LIPC: variants seen among roughly 807,000 people sequenced by gnomAD.
The protein encoded by LIPC is lipase C, hepatic type.
In LIPC, 44 loss-of-function variants were observed where a neutral mutation model predicts 50.7. The observed-to-expected ratio is 0.87, with a 90% CI of 0.68 to 1.11. The LOEUF (loss-of-function observed/expected upper bound fraction) is 1.11. LIPC is among the 50% of genes most tolerant of loss of function. The pLI is 0.00. For synonymous variants in LIPC, 271 were observed against 256.4 expected, an observed-to-expected ratio of 1.06 and a Z score of -0.54; for missense variants, 697 against 648.2, an observed-to-expected ratio of 1.08 and a Z score of -0.82.
At chr15:58,487,444 T>A (rs1156263843) in intron 1 of LIPC, among the ~76,000 whole-genome samples, 1 of 152,224 alleles carries the variant, frequency 6.6e-6, no homozygotes, top group Non-Finnish European at 1.5e-5. Flanking sequence ...CTGCTTTTCT[T>A]TGGCATTTAA....
chr15:58,489,077 A>G (rs1384517343), intron 1 of LIPC, among the ~76,000 whole-genome samples: 1 of 152,052 alleles, frequency 6.6e-6, no homozygotes, highest in African/African-American at 2.4e-5. Context: ...CTACTTCACA[A>G]CAATACTGAG....
intron 1 of LIPC, among the ~76,000 whole-genome samples, chr15:58,460,778 C>A (rs1303447132): frequency 6.6e-6 from 1 of 152,200 alleles, no homozygotes; most frequent in South Asian, 2.1e-4. Context: ...TGTTAGAGAA[C>A]AGCCAGCGAG....
At chr15:58,472,290 A>AG (rs1300448674) in intron 1 of LIPC, among the ~76,000 whole-genome samples, 3 of 147,532 alleles carry the variant, frequency 2.0e-5, no homozygotes, top group South Asian at 2.2e-4. Context: ...AAAAAAAAAA[A>AG]AAAGAAATCT....
chr15:58,535,792 T>G (rs1165504638), intron 1 of LIPC, among the ~76,000 whole-genome samples: 2 of 152,214 alleles, frequency 1.3e-5, no homozygotes, highest in African/African-American at 2.4e-5. Context: ...TAGGCACTAT[T>G]TTTATCCCCA....
intron 6 of LIPC, among the ~76,000 whole-genome samples, chr15:58,552,496 T>A (rs2140936011): frequency 6.6e-6 from 1 of 152,210 alleles, no homozygotes; most frequent in African/African-American, 2.4e-5. Flanking sequence ...CCATATCTCC[T>A]CCACTCTTCT....
At chr15:58,485,809 T>C (rs1891354842) in intron 1 of LIPC, among the ~76,000 whole-genome samples, 1 of 152,232 alleles carries the variant, frequency 6.6e-6, no homozygotes, top group South Asian at 2.1e-4. Context: ...GCTTGGCCCT[T>C]GAGGCCCCTT....
intron 1 of LIPC, among the ~76,000 whole-genome samples, chr15:58,512,940 G>A (rs1892374527): frequency 6.6e-6 from 1 of 151,220 alleles, no homozygotes; most frequent in Admixed American, 6.6e-5. Context: ...CATTATATTG[G>A]GCAAAACACA....
intron 1 of LIPC, among the ~76,000 whole-genome samples, chr15:58,452,624 C>T (rs1316405322): frequency 6.6e-6 from 1 of 152,184 alleles, no homozygotes; most frequent in Non-Finnish European, 1.5e-5. Flanking sequence ...CTTCCCTTCT[C>T]TCATGAGCTA....
intron 1 of LIPC, among the ~76,000 whole-genome samples, chr15:58,506,037 C>T (rs1320826075): frequency 1.3e-5 from 2 of 152,060 alleles, no homozygotes; most frequent in African/African-American, 4.8e-5. Flanking sequence ...GGAGGAACTT[C>T]CATAGAGTGG....
At chr15:58,497,664 C>G (rs1475879531) in intron 1 of LIPC, 1 of 152,480 alleles carries the variant, frequency 6.6e-6, no homozygotes, top group African/African-American at 2.4e-5. Context: ...TATGCCTTTC[C>G]CAGGCTCCAG....
intron 6 of LIPC, among the ~76,000 whole-genome samples, chr15:58,554,216 A>G (rs1197927551): frequency 6.6e-5 from 10 of 152,128 alleles, no homozygotes; most frequent in African/African-American, 1.2e-4. Flanking sequence ...ACAATCCAGG[A>G]TTTTTCCTAG....
intron 1 of LIPC, among the ~76,000 whole-genome samples, chr15:58,441,685 C>A: frequency 6.6e-6 from 1 of 151,966 alleles, no homozygotes; most frequent in East Asian, 1.9e-4. Flanking sequence ...TGGATTCTGT[C>A]AAAAAGGAGT....
chr15:58,491,502 G>C (rs1194277568), intron 1 of LIPC, among the ~76,000 whole-genome samples: 2 of 152,162 alleles, frequency 1.3e-5, no homozygotes, highest in African/African-American at 4.8e-5. Flanking sequence ...AGGTGCTAAA[G>C]TTACTTTAAA....
At chr15:58,435,135 T>G (rs1283059583) in intron 1 of LIPC, 1 of 152,208 alleles carries the variant, frequency 6.6e-6, no homozygotes, top group African/African-American at 2.4e-5. Flanking sequence ...TATTAACACA[T>G]ATAATGTAAT....
chr15:58,432,661 C>T (rs373895466), intron 1 of LIPC, among the ~76,000 whole-genome samples: 2 of 152,184 alleles, frequency 1.3e-5, no homozygotes, highest in South Asian at 2.1e-4. Flanking sequence ...ATCCAACAGC[C>T]GTCCTGCCTG....
intron 5 of LIPC, among the ~76,000 whole-genome samples, chr15:58,546,352 G>GA (rs1212628068): frequency 1.3e-5 from 2 of 152,192 alleles, no homozygotes; most frequent in Admixed American, 6.5e-5. Flanking sequence ...TCGTTCCAGG[G>GA]ACCGCCTCTA....
chr15:58,568,567 T>C, intron 8 of LIPC, 149 bp from the exon 9 acceptor site: 1 of 647,674 alleles, frequency 1.5e-6, no homozygotes, highest in Non-Finnish European at 2.8e-6. Flanking sequence ...TCTCTGAAGT[T>C]ACAAAAATAT....
At chr15:58,491,280 A>G (rs1271149563) in intron 1 of LIPC, among the ~76,000 whole-genome samples, 1 of 152,140 alleles carries the variant, frequency 6.6e-6, no homozygotes, top group African/African-American at 2.4e-5. Context: ...AGTGCCATAG[A>G]GTGGTCAGAG....
intron 1 of LIPC, among the ~76,000 whole-genome samples, chr15:58,495,797 C>G (rs940088828): frequency 2.6e-5 from 4 of 152,214 alleles, no homozygotes; most frequent in African/African-American, 9.6e-5. Context: ...ATTTTACACA[C>G]AGTCAGCATC....
Sources: gnomAD v4.1 joint callset for allele counts (sites outside exome capture counted in the v4.1 genomes callset) on GRCh38, gnomAD v4.1.1 for gene constraint, MANE v1.5 for transcripts, NCBI Gene and HGNC (gene_info 2026-07-23, HGNC 2026-07-21) for gene names.